TRIP12: variants seen among roughly 807,000 people sequenced by gnomAD.
TRIP12 encodes the protein thyroid hormone receptor interactor 12, also known as E3 ubiquitin-protein ligase TRIP12.
Under a neutral mutation model 244.2 loss-of-function variants are expected in TRIP12, and 25 were observed. The ratio of observed to expected loss-of-function variants is 0.10; its 90% confidence interval spans 0.07 to 0.14. The LOEUF (loss-of-function observed/expected upper bound fraction) is 0.14, where lower values mean the gene tolerates loss of function less well. TRIP12 is among the 10% of genes least tolerant of loss of function. TRIP12 has a pLI of 1.00. For synonymous variants in TRIP12, 905 were observed against 873.1 expected, an observed-to-expected ratio of 1.04 and a Z score of -0.64; for missense variants, 1,677 against 2,486.4, an observed-to-expected ratio of 0.67 and a Z score of 6.92.
chr2:229,769,457 CAA>C (rs370850855), intron 39 of TRIP12, 132 bp from the exon 40 acceptor site: 250 of 285,376 alleles, frequency 8.8e-4, no homozygotes, highest in Middle Eastern at 3.4e-3. Flanking sequence ...GACCTCTTTC[CAA>C]AAAAAAAAAA....
chr2:229,894,429 T>G (rs1164458262), intron 1 of TRIP12: 1 of 152,166 alleles, frequency 6.6e-6, no homozygotes, highest in Non-Finnish European at 1.5e-5. Flanking sequence ...TTACACAATT[T>G]AATATTGTTT....
Position 229,810,141 on chromosome 2 carries a change from C to T in TRIP12, c.2221+739G>A, listed in dbSNP as rs1386935776. Among the ~76,000 whole-genome samples, 4 of 152,322 alleles carry T rather than the reference C, an allele frequency of 2.6e-5. No individual in the cohort carries two copies. The East Asian group carries it at 7.7e-4, about 29-fold the overall frequency. Reference sequence around the variant, plus strand: ...ATGGGAGGCCAAGGCGGGAGGAAGGCCTGAGGCCAGGACTTCAAGAACAGC... The same window carrying T: ...ATGGGAGGCCAAGGCGGGAGGAAGGTCTGAGGCCAGGACTTCAAGAACAGC... On this transcript the variant is annotated intron_variant, in intron 15 of 41. Transcript: ENST00000675903.
chr2:229,853,431 G>A (rs1485477781), intron 4 of TRIP12, among the ~76,000 whole-genome samples: 3 of 152,028 alleles, frequency 2.0e-5, no homozygotes, highest in South Asian at 4.1e-4. Context: ...TGGGCGAGGC[G>A]GGCAGATCAC....
At chr2:229,807,378 T>C (rs1306962082) in intron 17 of TRIP12, 1 of 319,932 alleles carries the variant, frequency 3.1e-6, no homozygotes, top group Non-Finnish European at 5.9e-6. Flanking sequence ...TCATGGGACA[T>C]TGCTTTCTGA....
At chr2:229,886,483 G>A (rs1468215168) in intron 1 of TRIP12, among the ~76,000 whole-genome samples, 3 of 148,760 alleles carry the variant, frequency 2.0e-5, no homozygotes, top group African/African-American at 7.5e-5. Context: ...TTTTTTTTGA[G>A]ACGGGATCTC....
At chr2:229,894,360 A>T (rs1409755625) in intron 1 of TRIP12, 4 of 152,232 alleles carry the variant, frequency 2.6e-5, no homozygotes. Context: ...TCACTTTGGC[A>T]GCACATACAC....
At position 229,787,768 on chromosome 2, in the gene TRIP12, T is replaced by C. The variant is rs542236013; in HGVS notation, c.4839-107A>G. 1.0e-3 allele frequency: 1,087 copies of C among 1,059,316 alleles called. 5 individuals are homozygous for C. Among genetic ancestry groups the C allele is most frequent in the South Asian group, 3.0e-3 (163 of 54,970 alleles). 65.6% of individuals were successfully genotyped at this position (1,059,316 alleles called of 1,614,324 possible). A position where few individuals can be genotyped will look rare whatever the true frequency, so the allele number is the denominator to read the frequency against. On this transcript the variant is annotated intron_variant, in intron 32 of 41. Coordinates refer to ENST00000675903, the MANE Select transcript of TRIP12 (RefSeq NM_001348323.3). Reference sequence around the variant, plus strand: ...ACAACTTTTGATATGATATAGAAAATTGTAAATAAAATCAGTAAAAATTGT... The same window carrying C: ...ACAACTTTTGATATGATATAGAAAACTGTAAATAAAATCAGTAAAAATTGT...
intron 1 of TRIP12, among the ~76,000 whole-genome samples, chr2:229,903,566 CACA>C (rs2071709433): frequency 6.6e-6 from 1 of 151,898 alleles, no homozygotes; most frequent in East Asian, 1.9e-4. Context: ...GCCTGTGAGC[CACA>C]ACAAGGAGTC....
intron 38 of TRIP12, among the ~76,000 whole-genome samples, chr2:229,773,384 ATATG>A (rs1261681160): frequency 1.3e-5 from 2 of 151,796 alleles, no homozygotes; most frequent in East Asian, 3.9e-4. Flanking sequence ...TAATATATAT[ATATG>A]TATGTATTTT....
intron 2 of TRIP12, among the ~76,000 whole-genome samples, chr2:229,867,135 G>C (rs1425527859): frequency 1.4e-5 from 2 of 145,358 alleles, no homozygotes; most frequent in African/African-American, 2.5e-5. Flanking sequence ...GTAGGCTATG[G>C]TCAGACAGGG....
Position 229,791,202 on chromosome 2 carries a change from C to T in TRIP12, c.4465G>A (p.Gly1489Ser). 1 of 1,614,042 alleles carries T rather than the reference C, an allele frequency of 6.2e-7. No homozygotes were observed. Among genetic ancestry groups the T allele is most frequent in the Non-Finnish European group, 8.5e-7 (1 of 1,179,984 alleles). Residue 1489 changes from glycine (G) to serine (S), a missense_variant, in exon 30 of 42, where the codon GGT becomes AGT. Transcript: ENST00000675903. Reference protein sequence around the residue: ...DEESNKDCVGGKRGRAQTAPT... With the variant: ...DEESNKDCVGSKRGRAQTAPT... ...GCTGTTTGGGCTCTTCCTCTTTTACCACCAACACAATCTTTATTACTTTCT... is the reference window on the plus strand; with the variant it reads ...GCTGTTTGGGCTCTTCCTCTTTTACTACCAACACAATCTTTATTACTTTCT...
At chr2:229,887,774 G>A (rs1402491069) in intron 1 of TRIP12, among the ~76,000 whole-genome samples, 1 of 152,204 alleles carries the variant, frequency 6.6e-6, no homozygotes, top group African/African-American at 2.4e-5. Flanking sequence ...TGCTACATCA[G>A]AGGCTTACCT....
intron 7 of TRIP12, 56 bp downstream of exon 7, chr2:229,830,700 G>T (rs2053117971): frequency 1.1e-5 from 16 of 1,453,370 alleles, no homozygotes; most frequent in African/African-American, 2.8e-5. Context: ...ATAAAGAATG[G>T]TATTAACAGG....
intron 2 of TRIP12, among the ~76,000 whole-genome samples, chr2:229,875,359 CAAAG>C (rs1175893293): frequency 1.3e-5 from 2 of 152,094 alleles, no homozygotes; most frequent in East Asian, 3.8e-4. Context: ...GGAGGTTACA[CAAAG>C]AAGACAGCTT....
chr2:229,787,718 A>C, intron 32 of TRIP12, 57 bp from the exon 33 acceptor site: 1 of 1,425,192 alleles, frequency 7.0e-7, no homozygotes, highest in Non-Finnish European at 9.3e-7. Context: ...AACTACTAAA[A>C]AAAAAATCCA....
chr2:229,845,903 TG>T (rs2057475446), intron 4 of TRIP12, among the ~76,000 whole-genome samples: 3 of 151,734 alleles, frequency 2.0e-5, no homozygotes, highest in African/African-American at 7.3e-5. Flanking sequence ...GACACAAGCC[TG>T]TAGTCCCAGA....
At chr2:229,920,090 C>T (rs1352480197) in intron 1 of TRIP12, among the ~76,000 whole-genome samples, 1 of 152,208 alleles carries the variant, frequency 6.6e-6, no homozygotes, top group Non-Finnish European at 1.5e-5. Context: ...ATGCGACACA[C>T]ACAGGCCTCA....
At chr2:229,917,370 G>T (rs1397605755) in intron 1 of TRIP12, among the ~76,000 whole-genome samples, 5 of 69,994 alleles carry the variant, frequency 7.1e-5, no homozygotes, top group Non-Finnish European at 1.0e-4. Context: ...AACAGAGCGA[G>T]ACTCTGTCTC....
chr2:229,838,432 A>G (rs992543889), intron 5 of TRIP12, among the ~76,000 whole-genome samples: 20 of 152,356 alleles, frequency 1.3e-4, no homozygotes, highest in African/African-American at 4.3e-4. Flanking sequence ...CAACTAATTC[A>G]GAAAAGATTT....
Sources: allele counts gnomAD v4.1 joint callset (sites outside exome capture counted in the v4.1 genomes callset), GRCh38; gene constraint gnomAD v4.1.1; transcripts MANE v1.5; gene names NCBI Gene and HGNC (gene_info 2026-07-23, HGNC 2026-07-21).